The following SUPT3H variants were observed in gnomAD, a reference collection of about 807,000 sequenced individuals.
SUPT3H encodes SPT3 homolog, SAGA and STAGA complex component.
A neutral mutation model predicts 44.3 loss-of-function variants in SUPT3H; 44 were observed. That is an observed-to-expected ratio of 0.99 (90% CI 0.78 to 1.28). The LOEUF (loss-of-function observed/expected upper bound fraction) is 1.28. Among genes scored for constraint, SUPT3H ranks in the 50% most tolerant of loss-of-function variants. The pLI is 0.00. For missense variants in SUPT3H, 380 were observed against 387.1 expected, an observed-to-expected ratio of 0.98 and a Z score of 0.15; for synonymous variants, 124 against 125.6, an observed-to-expected ratio of 0.99 and a Z score of 0.09.
intron 2 of SUPT3H, among the ~76,000 whole-genome samples, chr6:45,289,737 G>A (rs550730047): frequency 2.5e-4 from 38 of 152,226 alleles, no homozygotes; most frequent in Non-Finnish European, 3.7e-4. Flanking sequence ...CCTCTGTTAC[G>A]TCATATGCTA....
chr6:44,939,187 T>G (rs1301837426), intron 9 of SUPT3H, among the ~76,000 whole-genome samples: 1 of 152,194 alleles, frequency 6.6e-6, no homozygotes, highest in African/African-American at 2.4e-5. Flanking sequence ...CACTTCAGTA[T>G]GATGTTGGCT....
chr6:45,322,269 A>T (rs1026245014), intron 2 of SUPT3H, among the ~76,000 whole-genome samples: 2 of 151,938 alleles, frequency 1.3e-5, no homozygotes, highest in Admixed American at 1.3e-4. Context: ...GCATCAAGAA[A>T]CAGACTTCTT....
At chr6:44,967,215 A>G (rs1026725902) in intron 6 of SUPT3H, among the ~76,000 whole-genome samples, 1 of 152,248 alleles carries the variant, frequency 6.6e-6, no homozygotes, top group African/African-American at 2.4e-5. Flanking sequence ...TTTAATTGAA[A>G]TAGCTTTTTA....
chr6:45,231,226 C>T (rs1181847846), intron 2 of SUPT3H, among the ~76,000 whole-genome samples: 1 of 152,042 alleles, frequency 6.6e-6, no homozygotes, highest in Non-Finnish European at 1.5e-5. Flanking sequence ...AACTGTCACC[C>T]TTTTGCTTGC....
chr6:44,823,017 C>T (rs1179729621), downstream of SUPT3H, among the ~76,000 whole-genome samples: 2 of 149,886 alleles, frequency 1.3e-5, no homozygotes, highest in African/African-American at 4.9e-5. Context: ...ACTCTGGAGG[C>T]TGAGGCAGGA....
At chr6:45,230,662 C>CATATATATATATATATATA (rs1767813214) in intron 2 of SUPT3H, among the ~76,000 whole-genome samples, 1 of 68,718 alleles carries the variant, frequency 1.5e-5, no homozygotes, top group Non-Finnish European at 3.1e-5. Flanking sequence ...TTCATTCAGT[C>CATATATATATATATATATA]TATATATATA....
chr6:45,186,183 G>C (rs1814182658), intron 2 of SUPT3H, among the ~76,000 whole-genome samples: 1 of 152,086 alleles, frequency 6.6e-6, no homozygotes, highest in Non-Finnish European at 1.5e-5. Flanking sequence ...GTGGGAAGGT[G>C]AGAATATACT....
At chr6:45,328,677 G>A (rs762747141) in intron 2 of SUPT3H, 1 of 1,611,466 alleles carries the variant, frequency 6.2e-7, no homozygotes, top group East Asian at 2.2e-5. Context: ...GCTGCAAGCA[G>A]TATTTACAAC....
At chr6:45,139,314 G>C (rs1436574045) in intron 2 of SUPT3H, among the ~76,000 whole-genome samples, 1 of 152,062 alleles carries the variant, frequency 6.6e-6, no homozygotes, top group Non-Finnish European at 1.5e-5. Flanking sequence ...AAAAATTCTG[G>C]TGACGCATCA....
At chr6:45,128,533 AATATATATATAT>A (rs1554257895) in intron 2 of SUPT3H, among the ~76,000 whole-genome samples, 2 of 52,258 alleles carry the variant, frequency 3.8e-5, no homozygotes, top group East Asian at 2.2e-3. Flanking sequence ...AAAAAAAAAA[AATATATATATAT>A]ATATATATAT....
intron 2 of SUPT3H, among the ~76,000 whole-genome samples, chr6:45,290,494 T>C (rs1780143596): frequency 6.7e-6 from 1 of 149,436 alleles, no homozygotes; most frequent in Admixed American, 6.7e-5. Context: ...GGGAGTGGAA[T>C]GGAAGAGAAA....
At position 44,828,833 on chromosome 6, in the gene SUPT3H, TAAAGA is replaced by T. The variant is rs1330660901; in HGVS notation, c.*978_*982del. Reference sequence around the variant, plus strand: ...AAATTATACAAAACTCCCACAGAATTAAAGAAATAACTTTCTTTTTTGCAACTGAA... The same window carrying T: ...AAATTATACAAAACTCCCACAGAATTAATAACTTTCTTTTTTGCAACTGAA... On this transcript the variant is annotated 3_prime_UTR_variant, in exon 11 of 11. Transcript: ENST00000371459. 1.3e-5 allele frequency: 2 copies of T among 152,642 alleles called. No homozygotes were observed. The highest frequency in any genetic ancestry group is 4.8e-5 in the African/African-American group (2 of 41,464). The allele number at this position is 152,642 out of a possible 1,614,324, so 9.5% of individuals were successfully genotyped here.
chr6:44,889,494 A>G (rs1014073537), intron 10 of SUPT3H, among the ~76,000 whole-genome samples: 2 of 152,234 alleles, frequency 1.3e-5, no homozygotes, highest in African/African-American at 4.8e-5. Context: ...CAAACCTGAG[A>G]AAAATAAGCA....
chr6:44,862,618 C>T (rs1486266280), intron 10 of SUPT3H, among the ~76,000 whole-genome samples: 3 of 148,928 alleles, frequency 2.0e-5, no homozygotes, highest in Non-Finnish European at 4.4e-5. Context: ...GTGGAGGTTG[C>T]AGCGAGCCAA....
intron 2 of SUPT3H, among the ~76,000 whole-genome samples, chr6:45,211,386 C>T (rs1326489452): frequency 6.6e-6 from 1 of 151,912 alleles, no homozygotes; most frequent in African/African-American, 2.4e-5. Flanking sequence ...ATATTATCTC[C>T]CTTAAATACA....
downstream of SUPT3H, among the ~76,000 whole-genome samples, chr6:44,823,722 G>A (rs1285463653): frequency 1.3e-5 from 2 of 152,190 alleles, no homozygotes; most frequent in Admixed American, 1.3e-4. Flanking sequence ...AGCACTTTGG[G>A]AGGCTGAGGC....
At chr6:45,316,131 A>C (rs1438566317) in intron 2 of SUPT3H, among the ~76,000 whole-genome samples, 1 of 152,212 alleles carries the variant, frequency 6.6e-6, no homozygotes, top group Non-Finnish European at 1.5e-5. Context: ...CTATGAGGAC[A>C]CAAAGGCGTA....
intron 7 of SUPT3H, among the ~76,000 whole-genome samples, chr6:44,958,937 G>A (rs1019698143): frequency 4.2e-5 from 6 of 142,990 alleles, no homozygotes; most frequent in East Asian, 2.2e-4. Context: ...GTGCAATGGC[G>A]CGATCTCGGC....
chr6:45,200,638 A>C (rs1337475255), intron 2 of SUPT3H, among the ~76,000 whole-genome samples: 1 of 151,534 alleles, frequency 6.6e-6, no homozygotes, highest in Non-Finnish European at 1.5e-5. Flanking sequence ...AGACAATAAA[A>C]AATGAAGCTC....
Sources: gnomAD v4.1 joint callset for allele counts (sites outside exome capture counted in the v4.1 genomes callset) on GRCh38, gnomAD v4.1.1 for gene constraint, MANE v1.5 for transcripts, NCBI Gene and HGNC (gene_info 2026-07-23, HGNC 2026-07-21) for gene names.